Variants in CHRM3 observed in about 807,000 individuals in gnomAD.
CHRM3 encodes muscarinic acetylcholine receptor M3.
In CHRM3, 11 loss-of-function variants were observed where a neutral mutation model predicts 41.8. That is an observed-to-expected ratio of 0.26 (90% CI 0.17 to 0.44). The LOEUF is 0.44. Ranked by LOEUF, CHRM3 falls within the 20% of genes least tolerant of loss-of-function variation. The pLI is 1.00. For synonymous variants in CHRM3, 297 were observed against 301.4 expected, an observed-to-expected ratio of 0.99 and a Z score of 0.15; for missense variants, 571 against 745.4, an observed-to-expected ratio of 0.77 and a Z score of 2.72.
At chr1:239,753,070 A>G (rs905999597) in intron 5 of CHRM3, among the ~76,000 whole-genome samples, 18 of 152,230 alleles carry the variant, frequency 1.2e-4, no homozygotes, top group Admixed American at 1.2e-3. Flanking sequence ...GCAAGACTGC[A>G]AAGACATAAA....
chr1:239,866,455 A>G (rs1409897272), intron 6 of CHRM3, among the ~76,000 whole-genome samples: 2 of 152,078 alleles, frequency 1.3e-5, no homozygotes, highest in African/African-American at 4.8e-5. Flanking sequence ...GGTGGATCCT[A>G]GATTCACCAG....
Position 239,464,875 on chromosome 1 carries a change from G to A in CHRM3, c.-520-27834G>A, listed in dbSNP as rs932810037. Among the ~76,000 whole-genome samples the A allele has an allele frequency of 2.5e-4, 38 of 152,004 alleles. 1 individual carries two copies. The highest frequency in any genetic ancestry group is 6.2e-4 in the South Asian group (3 of 4,812). ...ATTCCTGTCTCTTATTTATGTTTTC[G>A]TTTGAGATGTTCCCTGTGCTTCCTA... On this transcript the variant is annotated intron_variant, in intron 1 of 6. Transcript: ENST00000676153.
At chr1:239,614,605 G>C (rs541467769) in intron 3 of CHRM3, among the ~76,000 whole-genome samples, 5 of 152,286 alleles carry the variant, frequency 3.3e-5, no homozygotes, top group African/African-American at 4.8e-5. Flanking sequence ...ATAATGGTTA[G>C]AATTTTCACG....
intron 1 of CHRM3, among the ~76,000 whole-genome samples, chr1:239,427,346 G>A (rs1038115961): frequency 6.6e-6 from 1 of 152,106 alleles, no homozygotes; most frequent in Non-Finnish European, 1.5e-5. Context: ...CCTCTCCTAG[G>A]CCTGGAGGGT....
intron 5 of CHRM3, among the ~76,000 whole-genome samples, chr1:239,728,195 C>T (rs1213159404): frequency 6.6e-6 from 1 of 151,976 alleles, no homozygotes; most frequent in Non-Finnish European, 1.5e-5. Flanking sequence ...AAATATGCTT[C>T]ACTCTTAACA....
At chr1:239,890,930 G>A (rs185566152) in intron 6 of CHRM3, among the ~76,000 whole-genome samples, 1 of 152,148 alleles carries the variant, frequency 6.6e-6, no homozygotes, top group Non-Finnish European at 1.5e-5. Flanking sequence ...CCACAGATAG[G>A]GACTTCATTA....
chr1:239,568,447 A>G (rs1396644477), intron 3 of CHRM3, among the ~76,000 whole-genome samples: 2 of 151,954 alleles, frequency 1.3e-5, no homozygotes, highest in Admixed American at 1.3e-4. Flanking sequence ...ACCTTCCACC[A>G]TGACTGTGAG....
intron 2 of CHRM3, among the ~76,000 whole-genome samples, chr1:239,493,826 C>G (rs961544606): frequency 1.3e-5 from 2 of 152,128 alleles, no homozygotes; most frequent in African/African-American, 4.8e-5. Context: ...TACTTCTGCC[C>G]AGTTGAACCT....
intron 5 of CHRM3, chr1:239,705,036 A>G (rs1296770599): frequency 1.3e-5 from 2 of 152,178 alleles, no homozygotes; most frequent in African/African-American, 4.8e-5. Context: ...CCCTGTCTCT[A>G]CAATAAAATA....
At chr1:239,399,700 G>A (rs561529244) in intron 1 of CHRM3, among the ~76,000 whole-genome samples, 8 of 134,670 alleles carry the variant, frequency 5.9e-5, no homozygotes, top group African/African-American at 2.1e-4. Context: ...AGCGTGAATG[G>A]TATCTATTGT....
At chr1:239,496,510 AGTGTGTGTGTGT>A (rs71166874) in intron 2 of CHRM3, among the ~76,000 whole-genome samples, 10 of 144,982 alleles carry the variant, frequency 6.9e-5, no homozygotes, top group Non-Finnish European at 1.4e-4. Flanking sequence ...TAGTAATTCT[AGTGTGTGTGTGT>A]GTGTGTGTGT....
At chr1:239,896,596 G>C (rs911808895) in intron 6 of CHRM3, among the ~76,000 whole-genome samples, 2 of 152,078 alleles carry the variant, frequency 1.3e-5, no homozygotes, top group Non-Finnish European at 2.9e-5. Flanking sequence ...CATTTTCCTG[G>C]TTTTCCTGAG....
At chr1:239,520,250 G>A (rs929248438) in intron 2 of CHRM3, among the ~76,000 whole-genome samples, 1 of 152,162 alleles carries the variant, frequency 6.6e-6, no homozygotes. Flanking sequence ...AAGTACTCCA[G>A]TATTTAACAG....
At chr1:239,396,476 T>C (rs952255330) in intron 1 of CHRM3, among the ~76,000 whole-genome samples, 4 of 152,082 alleles carry the variant, frequency 2.6e-5, no homozygotes, top group African/African-American at 9.7e-5. Flanking sequence ...CTGGATTTGA[T>C]TGTGCACCTG....
At chr1:239,421,660 C>T (rs1054886684) in intron 1 of CHRM3, among the ~76,000 whole-genome samples, 1 of 152,006 alleles carries the variant, frequency 6.6e-6, no homozygotes, top group Non-Finnish European at 1.5e-5. Context: ...TTAAATTGAC[C>T]TTTATTACAT....
chr1:239,591,549 A>C (rs1664150332), intron 3 of CHRM3, among the ~76,000 whole-genome samples: 1 of 151,812 alleles, frequency 6.6e-6, no homozygotes, highest in South Asian at 2.1e-4. Context: ...ATTTCTATTT[A>C]CTTCAAAATC....
intron 4 of CHRM3, among the ~76,000 whole-genome samples, chr1:239,648,555 A>G (rs1296316577): frequency 6.6e-6 from 1 of 152,078 alleles, no homozygotes; most frequent in Non-Finnish European, 1.5e-5. Context: ...CCACCCCTCT[A>G]TGTGTGTCTG....
intron 2 of CHRM3, among the ~76,000 whole-genome samples, chr1:239,503,234 A>G (rs962595751): frequency 6.6e-6 from 1 of 152,196 alleles, no homozygotes; most frequent in African/African-American, 2.4e-5. Context: ...AGATTAATGT[A>G]CACAAATCAG....
intron 6 of CHRM3, among the ~76,000 whole-genome samples, chr1:239,866,357 C>T (rs922580907): frequency 6.6e-6 from 1 of 151,796 alleles, no homozygotes; most frequent in Admixed American, 6.6e-5. Context: ...CCGAGATCCC[C>T]CCACTGCACT....
Sources: allele counts gnomAD v4.1 joint callset (sites outside exome capture counted in the v4.1 genomes callset), GRCh38; gene constraint gnomAD v4.1.1; transcripts MANE v1.5; gene names NCBI Gene and HGNC (gene_info 2026-07-23, HGNC 2026-07-21).